The following FHIT variants were observed in gnomAD, a reference collection of about 807,000 sequenced individuals.
The protein encoded by FHIT is bis(5'-adenosyl)-triphosphatase.
In FHIT, 19 loss-of-function variants were observed where a neutral mutation model predicts 17.9. The observed-to-expected ratio is 1.06, with a 90% CI of 0.74 to 1.56. FHIT has a LOEUF of 1.56. Among genes scored for constraint, FHIT ranks in the 40% most tolerant of loss-of-function variants. FHIT has a pLI of 0.00. For synonymous variants in FHIT, 81 were observed against 69.7 expected, an observed-to-expected ratio of 1.16 and a Z score of -0.81; for missense variants, 248 against 189.2, an observed-to-expected ratio of 1.31 and a Z score of -1.82.
intron 4 of FHIT, among the ~76,000 whole-genome samples, chr3:60,782,771 A>AGT (rs1346902504): frequency 1.3e-5 from 2 of 152,280 alleles, no homozygotes; most frequent in Admixed American, 1.3e-4. Flanking sequence ...CAGTAGATTA[A>AGT]GTGTCTGGTG....
intron 2 of FHIT, among the ~76,000 whole-genome samples, chr3:61,122,767 C>G (rs570777244): frequency 9.9e-5 from 15 of 152,176 alleles, no homozygotes; most frequent in Non-Finnish European, 1.8e-4. Context: ...CATCATCACT[C>G]GTCATTAGAA....
intron 6 of FHIT, among the ~76,000 whole-genome samples, chr3:60,012,763 A>G (rs1331582019): frequency 3.3e-5 from 5 of 152,186 alleles, no homozygotes; most frequent in Non-Finnish European, 7.4e-5. Flanking sequence ...GTTTGACCAC[A>G]TTGCATATAC....
At chr3:60,088,186 T>C (rs1191869083) in intron 5 of FHIT, among the ~76,000 whole-genome samples, 2 of 152,084 alleles carry the variant, frequency 1.3e-5, no homozygotes, top group African/African-American at 4.8e-5. Flanking sequence ...GATGGAGAAC[T>C]CATCCCCCAA....
intron 4 of FHIT, among the ~76,000 whole-genome samples, chr3:60,579,833 G>A (rs370868245): frequency 1.1e-4 from 16 of 152,166 alleles, no homozygotes; most frequent in African/African-American, 3.6e-4. Flanking sequence ...GAGGTTTCTA[G>A]CAAATTAACA....
intron 5 of FHIT, among the ~76,000 whole-genome samples, chr3:60,529,092 T>C (rs753819658): frequency 6.6e-5 from 10 of 152,234 alleles, no homozygotes; most frequent in Admixed American, 1.3e-4. Context: ...TTCAGATATC[T>C]GGTATTGTAG....
intron 7 of FHIT, among the ~76,000 whole-genome samples, chr3:60,008,908 C>A (rs1559544410): frequency 6.6e-6 from 1 of 152,182 alleles, no homozygotes. Context: ...TCATACAATA[C>A]TGAGGCTGGC....
chr3:60,360,140 A>T (rs1395283251), intron 5 of FHIT, among the ~76,000 whole-genome samples: 1 of 152,088 alleles, frequency 6.6e-6, no homozygotes, highest in Non-Finnish European at 1.5e-5. Flanking sequence ...GACTTATATT[A>T]AACTCCATAA....
intron 8 of FHIT, among the ~76,000 whole-genome samples, chr3:59,916,007 C>T (rs1362103457): frequency 6.6e-6 from 1 of 151,516 alleles, no homozygotes; most frequent in Non-Finnish European, 1.5e-5. Flanking sequence ...TATTGAGTGT[C>T]AACTTGATTG....
intron 4 of FHIT, among the ~76,000 whole-genome samples, chr3:60,632,968 G>A (rs1314036899): frequency 6.6e-6 from 1 of 152,106 alleles, no homozygotes; most frequent in East Asian, 1.9e-4. Flanking sequence ...TTCAGAGGTA[G>A]GTATCTTGTG....
chr3:60,388,307 T>G (rs1266058104), intron 5 of FHIT, among the ~76,000 whole-genome samples: 1 of 152,060 alleles, frequency 6.6e-6, no homozygotes, highest in East Asian at 1.9e-4. Context: ...TCTCTTGAGT[T>G]AACAAACCCT....
intron 5 of FHIT, among the ~76,000 whole-genome samples, chr3:60,043,058 C>G (rs13081934): frequency 0.38 from 57,878 of 152,062 alleles, 12,156 homozygotes; most frequent in Middle Eastern, 0.61. Context: ...CCTTTTCAAC[C>G]TGGGGGAAAG....
At chr3:60,362,696 A>AGAAACATGAG (rs1699952144) in intron 5 of FHIT, among the ~76,000 whole-genome samples, 1 of 152,208 alleles carries the variant, frequency 6.6e-6, no homozygotes, top group Admixed American at 6.5e-5. Flanking sequence ...TCACCTATTC[A>AGAAACATGAG]ATAGTAACTC....
intron 5 of FHIT, among the ~76,000 whole-genome samples, chr3:60,451,395 C>A (rs1398740020): frequency 1.3e-5 from 2 of 152,124 alleles, no homozygotes; most frequent in Non-Finnish European, 2.9e-5. Context: ...AACATCCCCC[C>A]ACTTCAATAA....
intron 5 of FHIT, among the ~76,000 whole-genome samples, chr3:60,422,653 T>TA (rs982214264): frequency 2.6e-5 from 4 of 152,106 alleles, no homozygotes; most frequent in African/African-American, 7.2e-5. Flanking sequence ...GTGTTAGACA[T>TA]AAAAATGGCT....
intron 5 of FHIT, among the ~76,000 whole-genome samples, chr3:60,038,524 T>C (rs573186661): frequency 7.1e-4 from 108 of 152,354 alleles, no homozygotes; most frequent in African/African-American, 2.5e-3. Context: ...ACTTTAATAC[T>C]GTCTCAATAT....
chr3:60,169,860 A>G (rs904433237), intron 5 of FHIT, among the ~76,000 whole-genome samples: 2 of 152,182 alleles, frequency 1.3e-5, no homozygotes, highest in African/African-American at 4.8e-5. Flanking sequence ...GAGGAGGTAG[A>G]ATAAAAATGG....
At chr3:60,473,741 A>G (rs1422130445) in intron 5 of FHIT, among the ~76,000 whole-genome samples, 1 of 152,138 alleles carries the variant, frequency 6.6e-6, no homozygotes, top group Non-Finnish European at 1.5e-5. Context: ...CAACACAGTG[A>G]AACCCCGTCT....
intron 4 of FHIT, among the ~76,000 whole-genome samples, chr3:60,672,348 AGGT>A (rs2040526280): frequency 6.6e-6 from 1 of 150,792 alleles, no homozygotes; most frequent in Non-Finnish European, 1.5e-5. Context: ...GGATTTGGGT[AGGT>A]AAAGGAAAAT....
At chr3:60,308,210 C>T (rs567170922) in intron 5 of FHIT, among the ~76,000 whole-genome samples, 2 of 152,224 alleles carry the variant, frequency 1.3e-5, no homozygotes, top group African/African-American at 4.8e-5. Context: ...AGTTACTTAA[C>T]CTCACAAAGC....
Sources: gnomAD v4.1 joint callset for allele counts (sites outside exome capture counted in the v4.1 genomes callset) on GRCh38, gnomAD v4.1.1 for gene constraint, MANE v1.5 for transcripts, NCBI Gene and HGNC (gene_info 2026-07-23, HGNC 2026-07-21) for gene names.